MYRIP: variants seen among roughly 807,000 people sequenced by gnomAD.
MYRIP encodes the protein myosin VIIA and Rab interacting protein, also known as rab effector MyRIP.
Under a neutral mutation model 98.0 loss-of-function variants are expected in MYRIP, and 49 were observed. That is an observed-to-expected ratio of 0.50 (90% CI 0.40 to 0.63). MYRIP has a LOEUF of 0.63. Ranked by LOEUF, MYRIP falls within the 30% of genes least tolerant of loss-of-function variation. The probability of loss-of-function intolerance (pLI) is 0.00; values close to 1 mark genes in which losing one functional copy is unlikely to be tolerated. For missense variants in MYRIP, 1,004 were observed against 1,058.2 expected (o/e 0.95, Z 0.71); for synonymous variants, 404 against 409.5 (o/e 0.99, Z 0.16).
chr3:39,826,935 T>G lies in MYRIP; in HGVS notation c.-31+17019T>G, dbSNP rs1414289093. 3.3e-5 allele frequency among the ~76,000 whole-genome samples: 5 copies of G among 152,192 alleles called. No homozygotes were observed. The East Asian group carries it at 9.6e-4, about 29-fold the overall frequency. On this transcript the variant is annotated intron_variant, in intron 1 of 16. Transcript: ENST00000302541. ...TGTTTTTGGTTAAAGTCTGTTTTAC[T>G]GATATTATATCAGGCAATATATAGA... is the stretch of plus-strand genomic sequence containing the variant.
chr3:40,021,494 C>A (rs1039272216), intron 2 of MYRIP, among the ~76,000 whole-genome samples: 1 of 152,162 alleles, frequency 6.6e-6, no homozygotes, highest in African/African-American at 2.4e-5. Context: ...ATCCTCTGAG[C>A]CTGTGTTCAT....
intron 2 of MYRIP, among the ~76,000 whole-genome samples, chr3:39,943,692 A>G (rs1383126028): frequency 1.3e-5 from 2 of 152,120 alleles, no homozygotes; most frequent in African/African-American, 2.4e-5. Flanking sequence ...CCTGGAAGGG[A>G]TTTCTTTTAT....
chr3:39,932,903 C>A, intron 2 of MYRIP, among the ~76,000 whole-genome samples: 1 of 152,134 alleles, frequency 6.6e-6, no homozygotes, highest in Non-Finnish European at 1.5e-5. Flanking sequence ...ATTGGCACAC[C>A]GTCTGAATTA....
rs1001445866 is a variant in MYRIP at position 39,956,852 on chromosome 3, C to G, written c.110+55926C>G. Among the ~76,000 whole-genome samples the G allele has an allele frequency of 3.2e-4, 49 of 151,626 alleles. 1 individual carries two copies. Among genetic ancestry groups the G allele is most frequent in the African/African-American group, 1.2e-3 (49 of 41,002 alleles). ...TAAAAAATGATAAAGGGGATATCAC[C>G]ACCGATCCCACAGAAATACAAATTA... On this transcript the variant is annotated intron_variant, in intron 2 of 16. Coordinates refer to ENST00000302541, the MANE Select transcript of MYRIP (RefSeq NM_015460.4).
At chr3:39,812,600 G>T (rs968991842) in intron 1 of MYRIP, among the ~76,000 whole-genome samples, 1 of 152,132 alleles carries the variant, frequency 6.6e-6, no homozygotes, top group Non-Finnish European at 1.5e-5. Flanking sequence ...ATTAAAATAT[G>T]AATGAAGAAA....
At chr3:40,250,181 G>A (rs754572247) in intron 13 of MYRIP, 41 bp from the exon 14 acceptor site, 26 of 1,498,616 alleles carry the variant, frequency 1.7e-5, no homozygotes, top group Middle Eastern at 1.7e-4. Context: ...TTCCCCTTCC[G>A]TATTTTCTCC....
intron 1 of MYRIP, among the ~76,000 whole-genome samples, chr3:39,868,802 T>C (rs1465543668): frequency 6.6e-6 from 1 of 152,142 alleles, no homozygotes; most frequent in African/African-American, 2.4e-5. Flanking sequence ...CACTGAAGTG[T>C]AAGTCTTTTT....
At chr3:39,858,015 A>G (rs1443906837) in intron 1 of MYRIP, among the ~76,000 whole-genome samples, 1 of 152,202 alleles carries the variant, frequency 6.6e-6, no homozygotes, top group Non-Finnish European at 1.5e-5. Flanking sequence ...ACAATGAACA[A>G]AATAGCAATA....
Position 39,946,974 on chromosome 3 carries a change from A to C in MYRIP, c.110+46048A>C, listed in dbSNP as rs78736691. ...AAAGTTGGAATTCGCTAAAGGCGAA[A>C]AGCATTAAATGGGACAAAGTAGGAT... On this transcript the variant is annotated intron_variant, in intron 2 of 16. Transcript: ENST00000302541. Among the ~76,000 whole-genome samples, 1,421 of 152,318 alleles carry C rather than the reference A, an allele frequency of 9.3e-3. 16 individuals are homozygous for C. The highest frequency in any genetic ancestry group is 0.032 in the African/African-American group (1,350 of 41,576).
rs377084286 is a variant in MYRIP, at chr3:39,992,826, C to G, written c.111-51224C>G. Among the ~76,000 whole-genome samples, 3 of 152,308 alleles carry G rather than the reference C, an allele frequency of 2.0e-5. No homozygotes were observed. In the South Asian group the frequency reaches 6.2e-4, roughly 32 times the overall value. ...CTCCAAATTCTTGACCTTAGGCACT[C>G]TAGTCTCTGACCTCCACTTCTCATC... On this transcript the variant is annotated intron_variant, in intron 2 of 16. Transcript: ENST00000302541.
intron 3 of MYRIP, among the ~76,000 whole-genome samples, chr3:40,119,634 T>A (rs1949356417): frequency 6.6e-6 from 1 of 152,134 alleles, no homozygotes; most frequent in Non-Finnish European, 1.5e-5. Flanking sequence ...TGGATGAAAT[T>A]GGAAATCATC....
At chr3:40,009,786 G>A (rs1043388176) in intron 2 of MYRIP, among the ~76,000 whole-genome samples, 5 of 152,150 alleles carry the variant, frequency 3.3e-5, no homozygotes, top group Admixed American at 6.5e-5. Flanking sequence ...ATTTTATCCC[G>A]TGACTGTGAT....
intron 1 of MYRIP, among the ~76,000 whole-genome samples, chr3:39,878,409 G>C (rs1216848867): frequency 6.6e-6 from 1 of 152,166 alleles, no homozygotes; most frequent in East Asian, 1.9e-4. Flanking sequence ...ACCTCAGATG[G>C]AAATGCAGAA....
intron 2 of MYRIP, among the ~76,000 whole-genome samples, chr3:40,037,417 T>C (rs1473029963): frequency 6.6e-6 from 1 of 152,064 alleles, no homozygotes; most frequent in Non-Finnish European, 1.5e-5. Flanking sequence ...CATGGCCTAG[T>C]TCCCAGCTTG....
chr3:40,049,866 G>T (rs1947753698), intron 3 of MYRIP, among the ~76,000 whole-genome samples: 1 of 152,144 alleles, frequency 6.6e-6, no homozygotes, highest in African/African-American at 2.4e-5. Context: ...GAGAAAGTTT[G>T]TGAGGTCTGG....
chr3:40,109,101 C>T (rs1949108920), intron 3 of MYRIP, among the ~76,000 whole-genome samples: 1 of 152,196 alleles, frequency 6.6e-6, no homozygotes, highest in Admixed American at 6.5e-5. Flanking sequence ...TTATTACCCA[C>T]TTTTACTCCT....
chr3:39,959,653 C>T (rs1344355477), intron 2 of MYRIP, among the ~76,000 whole-genome samples: 2 of 149,506 alleles, frequency 1.3e-5, no homozygotes, highest in Non-Finnish European at 3.0e-5. Flanking sequence ...GCACATGTAC[C>T]CTAGTACTTA....
chr3:39,977,647 T>A (rs920349596), intron 2 of MYRIP, among the ~76,000 whole-genome samples: 3 of 152,116 alleles, frequency 2.0e-5, no homozygotes, highest in African/African-American at 7.2e-5. Context: ...GAGATCTCCA[T>A]AAAACTTGAG....
At chr3:40,196,611 A>G (rs1951401324) in intron 10 of MYRIP, among the ~76,000 whole-genome samples, 1 of 152,310 alleles carries the variant, frequency 6.6e-6, no homozygotes, top group South Asian at 2.1e-4. Flanking sequence ...GACTGCCTTT[A>G]TGATTTAATA....
Sources: allele counts gnomAD v4.1 joint callset (sites outside exome capture counted in the v4.1 genomes callset), GRCh38; gene constraint gnomAD v4.1.1; transcripts MANE v1.5; gene names NCBI Gene and HGNC (gene_info 2026-07-23, HGNC 2026-07-21).